The following GRID2 variants were observed in gnomAD, a reference collection of about 807,000 sequenced individuals.
The protein encoded by GRID2 is glutamate ionotropic receptor delta type subunit 2.
A neutral mutation model predicts 114.8 loss-of-function variants in GRID2; 33 were observed. The observed-to-expected ratio is 0.29, with a 90% CI of 0.22 to 0.38. The LOEUF is 0.38. Among genes scored for constraint, GRID2 ranks in the 10% least tolerant of loss-of-function variants. GRID2 has a pLI of 1.00. For synonymous variants in GRID2, 505 were observed against 449.9 expected (o/e 1.12, Z -1.55); for missense variants, 1,184 against 1,257.7 (o/e 0.94, Z 0.89).
intron 1 of GRID2, among the ~76,000 whole-genome samples, chr4:92,344,978 A>T (rs915922381): frequency 1.3e-5 from 2 of 152,172 alleles, no homozygotes; most frequent in African/African-American, 2.4e-5. Context: ...ACTTTAGTCC[A>T]CCTGTCACCC....
intron 1 of GRID2, among the ~76,000 whole-genome samples, chr4:92,444,699 C>G (rs1733353642): frequency 6.6e-6 from 1 of 152,086 alleles, no homozygotes; most frequent in Non-Finnish European, 1.5e-5. Flanking sequence ...TTTGTCTTCT[C>G]TTTTTAAATA....
chr4:93,769,869 G>A (rs1281119850), intron 15 of GRID2, among the ~76,000 whole-genome samples: 1 of 152,072 alleles, frequency 6.6e-6, no homozygotes, highest in Non-Finnish European at 1.5e-5. Context: ...ATACAATACT[G>A]TAATAAAAAT....
intron 2 of GRID2, among the ~76,000 whole-genome samples, chr4:92,684,876 T>G (rs902119037): frequency 1.3e-5 from 2 of 152,094 alleles, no homozygotes; most frequent in Non-Finnish European, 1.5e-5. Context: ...AAGAAAGTTC[T>G]TGGATTTATC....
intron 2 of GRID2, among the ~76,000 whole-genome samples, chr4:92,928,442 A>G (rs529581511): frequency 1.3e-5 from 2 of 151,774 alleles, no homozygotes; most frequent in East Asian, 1.9e-4. Context: ...TTTCCCATGC[A>G]TATTTAGGTT....
At chr4:92,847,434 C>T (rs954160223) in intron 2 of GRID2, among the ~76,000 whole-genome samples, 8 of 152,010 alleles carry the variant, frequency 5.3e-5, no homozygotes, top group Non-Finnish European at 8.8e-5. Context: ...AGTTATATCT[C>T]GCTGGCCTCT....
intron 1 of GRID2, among the ~76,000 whole-genome samples, chr4:92,393,370 T>C (rs1730341718): frequency 6.6e-6 from 1 of 152,222 alleles, no homozygotes; most frequent in Non-Finnish European, 1.5e-5. Flanking sequence ...AGTGTAATCT[T>C]ACATAATATC....
In GRID2 at chr4:93,560,050, G is replaced by A. The variant is rs1044330119; in HGVS notation, c.2193+44639G>A. ...CAATGAAAACACATGGACACAGGGAGGGGAACATCACACACTGGGGCCTGT... is the reference window on the plus strand; with the variant it reads ...CAATGAAAACACATGGACACAGGGAAGGGAACATCACACACTGGGGCCTGT... On this transcript the variant is annotated intron_variant, in intron 13 of 15. Coordinates refer to ENST00000282020, the MANE Select transcript of GRID2 (RefSeq NM_001510.4). Among the ~76,000 whole-genome samples, 10 of 151,808 alleles carry A rather than the reference G, an allele frequency of 6.6e-5. 1 individual carries two copies. The highest frequency in any genetic ancestry group is 6.6e-5 in the Admixed American group (1 of 15,224).
At chr4:93,029,313 A>T (rs963687122) in intron 2 of GRID2, among the ~76,000 whole-genome samples, 1 of 152,124 alleles carries the variant, frequency 6.6e-6, no homozygotes, top group Non-Finnish European at 1.5e-5. Context: ...ATAACTTTTT[A>T]AAAATATATT....
At chr4:92,691,087 C>T (rs1325777664) in intron 2 of GRID2, among the ~76,000 whole-genome samples, 1 of 152,088 alleles carries the variant, frequency 6.6e-6, no homozygotes, top group African/African-American at 2.4e-5. Flanking sequence ...TATTTCTTCC[C>T]ATTAGGGTGG....
intron 14 of GRID2, among the ~76,000 whole-genome samples, chr4:93,709,244 A>G (rs539300139): frequency 2.0e-4 from 31 of 152,242 alleles, no homozygotes; most frequent in African/African-American, 7.2e-4. Flanking sequence ...AGATTGTAAA[A>G]CACCCTTTAG....
At chr4:92,842,853 C>T (rs1743009625) in intron 2 of GRID2, among the ~76,000 whole-genome samples, 1 of 151,996 alleles carries the variant, frequency 6.6e-6, no homozygotes, top group Non-Finnish European at 1.5e-5. Context: ...GAGCAGATAT[C>T]AAACATCAGG....
At chr4:92,407,903 A>G (rs1731102984) in intron 1 of GRID2, among the ~76,000 whole-genome samples, 1 of 151,940 alleles carries the variant, frequency 6.6e-6, no homozygotes, top group Admixed American at 6.6e-5. Context: ...CTTTGTTGGT[A>G]ATTTCTTTTT....
chr4:93,582,843 T>G (rs1193450793), intron 13 of GRID2, among the ~76,000 whole-genome samples: 2 of 152,184 alleles, frequency 1.3e-5, no homozygotes, highest in East Asian at 3.8e-4. Context: ...CGATTTTGTA[T>G]GACATTGTAT....
intron 8 of GRID2, among the ~76,000 whole-genome samples, chr4:93,308,689 T>C (rs981652967): frequency 1.3e-5 from 2 of 152,184 alleles, no homozygotes; most frequent in African/African-American, 2.4e-5. Context: ...TGTGAATCCT[T>C]TGGAGAATTT....
chr4:93,119,446 G>T (rs185974481), intron 4 of GRID2, among the ~76,000 whole-genome samples: 1 of 152,230 alleles, frequency 6.6e-6, no homozygotes, highest in Admixed American at 6.5e-5. Flanking sequence ...TTTTGGCCAT[G>T]GTCTTTAGTG....
rs145148596 is a variant in GRID2, at chr4:93,380,052, A to G, written c.1246-15555A>G. Among the ~76,000 whole-genome samples, 535 of 152,250 alleles carry G rather than the reference A, an allele frequency of 3.5e-3. 4 individuals are homozygous for G. In the South Asian group the frequency reaches 0.053, roughly 15 times the overall value. Reference sequence around the variant, plus strand: ...CCTGCGAAAAACAAAAAGTATGTCCATGAACTAATCCCTGGAACATGTAAA... The same window carrying G: ...CCTGCGAAAAACAAAAAGTATGTCCGTGAACTAATCCCTGGAACATGTAAA... On this transcript the variant is annotated intron_variant, in intron 8 of 15. Transcript: ENST00000282020.
chr4:92,877,816 G>A (rs1461221017), intron 2 of GRID2, among the ~76,000 whole-genome samples: 1 of 152,118 alleles, frequency 6.6e-6, no homozygotes, highest in East Asian at 1.9e-4. Context: ...ATAATTTGGA[G>A]AATGACTTAA....
chr4:93,173,943 T>A (rs1739097782), intron 4 of GRID2, among the ~76,000 whole-genome samples: 1 of 152,190 alleles, frequency 6.6e-6, no homozygotes, highest in African/African-American at 2.4e-5. Flanking sequence ...CTTTTAGGAT[T>A]TTTAAATGCA....
At chr4:93,276,359 G>A (rs888746104) in intron 8 of GRID2, among the ~76,000 whole-genome samples, 8 of 151,906 alleles carry the variant, frequency 5.3e-5, no homozygotes, top group Admixed American at 3.9e-4. Flanking sequence ...GCAACTTGTG[G>A]CAATTTTGAA....
Sources: gnomAD v4.1 joint callset for allele counts (sites outside exome capture counted in the v4.1 genomes callset) on GRCh38, gnomAD v4.1.1 for gene constraint, MANE v1.5 for transcripts, NCBI Gene and HGNC (gene_info 2026-07-23, HGNC 2026-07-21) for gene names.